PSD3: variants seen among roughly 807,000 people sequenced by gnomAD.
The protein encoded by PSD3 is PH and SEC7 domain-containing protein 3.
A neutral mutation model predicts 105.5 loss-of-function variants in PSD3; 49 were observed. The observed-to-expected ratio is 0.46, with a 90% confidence interval of 0.37 to 0.59. The LOEUF is 0.59. PSD3 is among the 20% of genes least tolerant of loss of function. PSD3 has a pLI of 0.00. For synonymous variants in PSD3, 557 were observed against 457.8 expected (o/e 1.22, Z -2.77); for missense variants, 1,561 against 1,263.8 (o/e 1.24, Z -3.57).
chr8:18,693,220 A>G (rs1251040850), intron 9 of PSD3, among the ~76,000 whole-genome samples: 1 of 152,170 alleles, frequency 6.6e-6, no homozygotes, highest in African/African-American at 2.4e-5. Context: ...CTTGACACAT[A>G]CGACCTTAAA....
chr8:18,859,809 A>T (rs537136252), intron 4 of PSD3, among the ~76,000 whole-genome samples: 1 of 152,350 alleles, frequency 6.6e-6, no homozygotes, highest in African/African-American at 2.4e-5. Context: ...CTTCGGCTTA[A>T]GGAAACGTTG....
intron 1 of PSD3, among the ~76,000 whole-genome samples, chr8:18,988,302 A>G (rs1825613323): frequency 6.6e-6 from 1 of 152,162 alleles, no homozygotes; most frequent in African/African-American, 2.4e-5. Context: ...TGAAAGGAAA[A>G]GCACGAAAGC....
intron 9 of PSD3, among the ~76,000 whole-genome samples, chr8:18,756,566 C>T (rs567972951): frequency 1.8e-3 from 276 of 151,986 alleles, no homozygotes; most frequent in Non-Finnish European, 3.4e-3. Context: ...AAGAAAATGC[C>T]CAGCACTTAG....
intron 12 of PSD3, among the ~76,000 whole-genome samples, chr8:18,577,670 C>T (rs1051710509): frequency 1.3e-5 from 2 of 151,988 alleles, no homozygotes; most frequent in Admixed American, 1.3e-4. Flanking sequence ...CTTTCTTTTA[C>T]GAAAATGCTC....
rs1821370407 is a variant in PSD3, at chr8:18,926,513, A to G, written c.130+9521T>C. The stretch of plus-strand genomic sequence containing the variant: ...AAGCTGTACAATAAACCATAAGCAC[A>G]GGAAAAGATGCTCAATGTCATTAGT... On this transcript the variant is annotated intron_variant, in intron 2 of 15. Transcript: ENST00000327040. Among the ~76,000 whole-genome samples, 3 of 152,284 alleles carry G rather than the reference A, an allele frequency of 2.0e-5. No individual in the cohort carries two copies. In the South Asian group the frequency reaches 6.2e-4, roughly 32 times the overall value.
chr8:18,554,166 C>T (rs543006781), intron 15 of PSD3, among the ~76,000 whole-genome samples: 106 of 152,274 alleles, frequency 7.0e-4, no homozygotes, highest in Non-Finnish European at 1.6e-4. Context: ...CAGGCTCTTC[C>T]ACCTTCGGCA....
chr8:19,034,606 G>A (rs1276102613), intron 1 of PSD3, among the ~76,000 whole-genome samples: 4 of 152,248 alleles, frequency 2.6e-5, no homozygotes, highest in South Asian at 4.2e-4. Context: ...TGCTTTACTG[G>A]GTGTGTTATT....
chr8:18,976,170 TAGG>T (rs1026746756), intron 1 of PSD3, among the ~76,000 whole-genome samples: 17 of 145,130 alleles, frequency 1.2e-4, no homozygotes, highest in East Asian at 6.0e-4. Flanking sequence ...TTGCAATGCA[TAGG>T]AGAATTCAAA....
At chr8:18,752,537 TTA>T (rs1554489456) in intron 9 of PSD3, among the ~76,000 whole-genome samples, 8 of 30,872 alleles carry the variant, frequency 2.6e-4, no homozygotes, top group South Asian at 1.3e-3. Flanking sequence ...TAATTATATA[TTA>T]TATATATTAT....
chr8:18,864,542 A>T (rs186435658), intron 4 of PSD3: 1 of 152,290 alleles, frequency 6.6e-6, no homozygotes, highest in East Asian at 1.9e-4. Flanking sequence ...TGTCTACCAA[A>T]TATCAAGGAG....
chr8:18,780,766 G>A (rs1808533793), intron 8 of PSD3, among the ~76,000 whole-genome samples: 2 of 152,146 alleles, frequency 1.3e-5, no homozygotes, highest in Non-Finnish European at 2.9e-5. Context: ...GTGTTAGCCA[G>A]GATGGTCTCA....
intron 4 of PSD3, among the ~76,000 whole-genome samples, chr8:18,842,601 G>C (rs895576814): frequency 2.0e-5 from 3 of 152,000 alleles, no homozygotes; most frequent in Non-Finnish European, 2.9e-5. Flanking sequence ...GGCGTGGTGG[G>C]AGGCACCTGT....
At chr8:18,743,748 G>A (rs1438835032) in intron 9 of PSD3, among the ~76,000 whole-genome samples, 2 of 149,742 alleles carry the variant, frequency 1.3e-5, no homozygotes, top group African/African-American at 4.9e-5. Flanking sequence ...ACCAATCTGG[G>A]CAACACAGAA....
chr8:18,695,904 C>A (rs1354017380), intron 9 of PSD3, among the ~76,000 whole-genome samples: 2 of 152,304 alleles, frequency 1.3e-5, no homozygotes, highest in East Asian at 3.9e-4. Context: ...GTGACCAGAA[C>A]AGTACCCTCT....
chr8:18,964,867 A>T (rs896754383), intron 1 of PSD3, among the ~76,000 whole-genome samples: 9 of 152,308 alleles, frequency 5.9e-5, no homozygotes, highest in Middle Eastern at 3.4e-3. Context: ...AACTATAATT[A>T]TTTGTGTGGC....
intron 15 of PSD3, among the ~76,000 whole-genome samples, chr8:18,543,177 C>T (rs1394387805): frequency 6.6e-6 from 1 of 151,982 alleles, no homozygotes; most frequent in Non-Finnish European, 1.5e-5. Flanking sequence ...CTTTTGTGAC[C>T]ACCAAGAGCC....
rs1799567353 is a variant in PSD3, at chr8:18,530,011, T to G, written c.*5732A>C. ...AACAAAAAAATGCCTCAAGTGTAACTACCAACACATTACTGCAGCCTGGAG... is the reference window on the plus strand; with the variant it reads ...AACAAAAAAATGCCTCAAGTGTAACGACCAACACATTACTGCAGCCTGGAG... On this transcript the variant is annotated 3_prime_UTR_variant, in exon 16 of 16. Coordinates refer to ENST00000327040, the MANE Select transcript of PSD3 (RefSeq NM_015310.4). 1 of 152,432 alleles carries G rather than the reference T, an allele frequency of 6.6e-6. No homozygotes were observed. Among genetic ancestry groups the G allele is most frequent in the Admixed American group, 6.5e-5 (1 of 15,276 alleles). 9.4% of individuals were successfully genotyped at this position (152,432 alleles called of 1,614,324 possible).
chr8:18,774,703 A>G (rs550241774), intron 8 of PSD3: 1 of 360,372 alleles, frequency 2.8e-6, no homozygotes, highest in East Asian at 7.6e-5. Context: ...TTGCCCTTGT[A>G]GAACTTCCTG....
At position 18,762,217 on chromosome 8, in the gene PSD3, C is replaced by T. The variant is rs181662387; in HGVS notation, c.2172+3232G>A. Among the ~76,000 whole-genome samples the T allele has an allele frequency of 1.4e-3, 218 of 152,172 alleles. 1 individual carries two copies. The highest frequency in any genetic ancestry group is 5.0e-3 in the African/African-American group (207 of 41,534). ...CCCCTTGGTGCTGTTCTCATGATGA[C>T]GAGTGAGCTCTCCTGAGCTATGGTT... On this transcript the variant is annotated intron_variant, in intron 9 of 15. Transcript: ENST00000327040.
Sources: gnomAD v4.1 joint callset for allele counts (sites outside exome capture counted in the v4.1 genomes callset) on GRCh38, gnomAD v4.1.1 for gene constraint, MANE v1.5 for transcripts, NCBI Gene and HGNC (gene_info 2026-07-23, HGNC 2026-07-21) for gene names.